Variants in KCNJ5 observed in about 807,000 individuals in gnomAD.
KCNJ5 encodes the protein potassium inwardly rectifying channel subfamily J member 5.
Under a neutral mutation model 20.2 loss-of-function variants are expected in KCNJ5, and 12 were observed. The observed-to-expected ratio is 0.59, with a 90% CI of 0.38 to 0.96. The LOEUF is 0.96. Ranked by LOEUF, KCNJ5 falls within the 40% of genes least tolerant of loss-of-function variation. The pLI, the probability that KCNJ5 is intolerant of heterozygous loss-of-function variation, is 0.00. For missense variants in KCNJ5, 449 were observed against 557.6 expected (o/e 0.81, Z 1.96); for synonymous variants, 210 against 213.9 (o/e 0.98, Z 0.16).
At chr11:128,899,115 C>T (rs74399915) in intron 1 of KCNJ5, among the ~76,000 whole-genome samples, 11,612 of 152,242 alleles carry the variant, frequency 0.076, 513 homozygotes, top group Middle Eastern at 0.14. Flanking sequence ...TGCTCAGACA[C>T]TGAGTGTGAG....
chr11:128,914,668 G>A (rs1476941974), intron 2 of KCNJ5, among the ~76,000 whole-genome samples: 1 of 152,180 alleles, frequency 6.6e-6, no homozygotes, highest in Non-Finnish European at 1.5e-5. Flanking sequence ...CAATCTCTTA[G>A]GGCTGTTGGG....
intron 1 of KCNJ5, among the ~76,000 whole-genome samples, chr11:128,910,711 C>G (rs933076581): frequency 6.6e-6 from 1 of 152,162 alleles, no homozygotes; most frequent in Admixed American, 6.5e-5. Context: ...GGGCTGTGTT[C>G]TAAGTGCTTG....
intron 2 of KCNJ5, among the ~76,000 whole-genome samples, chr11:128,915,843 ATGGG>A (rs1944569233): frequency 7.1e-6 from 1 of 139,900 alleles, no homozygotes; most frequent in Admixed American, 7.2e-5. Context: ...GGATGACTGG[ATGGG>A]TGGACGATTA....
intron 1 of KCNJ5, chr11:128,901,667 C>T (rs1944282196): frequency 6.6e-6 from 1 of 152,250 alleles, no homozygotes; most frequent in Non-Finnish European, 1.5e-5. Flanking sequence ...ATAATCCCAC[C>T]CATGTGGGGA....
rs192889782 is a variant in KCNJ5 at position 128,916,428 on chromosome 11, G to C, written c.957G>C (p.Arg319=). 1.9e-6 allele frequency: 3 copies of C among 1,614,206 alleles called. No homozygotes were observed. Among genetic ancestry groups the C allele is most frequent in the Non-Finnish European group, 2.5e-6 (3 of 1,180,024 alleles). Residue 319 remains arginine, a synonymous_variant, in exon 3 of 3, where the codon CGG becomes CGC. Coordinates refer to ENST00000529694, the MANE Select transcript of KCNJ5 (RefSeq NM_000890.5). ...VEATGMTCQA[R]SSYMDTEVLW... is the part of the protein sequence containing the mutation. ...CCCCAGGCATGACCTGCCAAGCCCG[G>C]AGCTCCTACATGGATACAGAGGTGC...
At chr11:128,898,386 G>A (rs564349207) in intron 1 of KCNJ5, among the ~76,000 whole-genome samples, 5 of 152,226 alleles carry the variant, frequency 3.3e-5, no homozygotes, top group Admixed American at 2.0e-4. Flanking sequence ...TAATTGTGTC[G>A]CCTTGGACAT....
intron 1 of KCNJ5, among the ~76,000 whole-genome samples, chr11:128,898,398 A>G (rs1411151938): frequency 2.0e-5 from 3 of 152,262 alleles, no homozygotes; most frequent in Admixed American, 2.0e-4. Context: ...CTTGGACATT[A>G]GTCTTTCAGA....
intron 1 of KCNJ5, among the ~76,000 whole-genome samples, chr11:128,892,093 G>A (rs1164991242): frequency 6.6e-6 from 1 of 152,228 alleles, no homozygotes; most frequent in East Asian, 1.9e-4. Context: ...ATGGGAGCAG[G>A]GAGGGCCAGG....
intron 1 of KCNJ5, among the ~76,000 whole-genome samples, chr11:128,893,803 C>T (rs929250047): frequency 1.3e-5 from 2 of 152,216 alleles, no homozygotes; most frequent in South Asian, 2.1e-4. Flanking sequence ...GTGGGGTTCC[C>T]CACCATGGCT....
In KCNJ5 at chr11:128,911,824, G is replaced by A; in HGVS notation, c.551G>A (p.Gly184Glu). 6.2e-7 allele frequency: 1 copy of A among 1,614,116 alleles called. No homozygotes were observed. The highest frequency in any genetic ancestry group is 1.7e-5 in the Admixed American group (1 of 60,028). Residue 184 changes from glycine to glutamate, a missense_variant, in exon 2 of 3, where the codon GGG (glycine) becomes GAG (glutamate). Physicochemically the swap from Gly to Glu is moderately conservative, Grantham distance 98 (BLOSUM62 -2). This residue lies in a region of KCNJ5 where 203 missense variants were observed against 258.0 expected (regional missense o/e 0.79). Transcript: ENST00000529694. This position sits in a 1 kb window ranked among gnomAD's most constrained non-coding sequence, Gnocchi z 6.3. ...LGSIVNAFMV[G>E]CMFVKISQPK... is the part of the protein sequence containing the mutation. ...TCCATCGTCAATGCCTTCATGGTGG[G>A]GTGCATGTTTGTCAAGATCAGCCAG...
At chr11:128,899,635 A>G (rs1442530965) in intron 1 of KCNJ5, 2 of 152,260 alleles carry the variant, frequency 1.3e-5, no homozygotes, top group African/African-American at 4.8e-5. Context: ...CTGTGGGGTT[A>G]CAATGAAGAA....
chr11:128,911,315 G>A lies in KCNJ5; in HGVS notation c.42G>A (p.Glu14=). The A allele has an allele frequency of 6.2e-7, 1 of 1,614,180 alleles. No homozygotes were observed. Among genetic ancestry groups the A allele is most frequent in the Non-Finnish European group, 8.5e-7 (1 of 1,180,040 alleles). The change falls in exon 2 of 3, where the codon GAG becomes GAA. Residue 14 remains glutamate, a synonymous_variant. Transcript: ENST00000529694. This position sits in a 1 kb window ranked among gnomAD's most constrained non-coding sequence, Gnocchi z 6.3. The stretch of plus-strand genomic sequence containing the variant: ...GGAATGCCATGAACCAGGACATGGA[G>A]ATTGGAGTCACTCCCTGGGACCCCA... ...DSRNAMNQDM[E]IGVTPWDPKK...
chr11:128,904,252 C>T (rs758936094), intron 1 of KCNJ5, among the ~76,000 whole-genome samples: 4 of 152,170 alleles, frequency 2.6e-5, no homozygotes, highest in Non-Finnish European at 4.4e-5. Flanking sequence ...CACTGGACGC[C>T]TTCCTCACCA....
intron 2 of KCNJ5, among the ~76,000 whole-genome samples, chr11:128,913,431 T>A (rs552690823): frequency 1.3e-5 from 2 of 152,296 alleles, no homozygotes; most frequent in South Asian, 4.1e-4. Flanking sequence ...CACTCAGCCA[T>A]GGCAGACCTC....
intron 1 of KCNJ5, among the ~76,000 whole-genome samples, chr11:128,893,098 G>C (rs1944120194): frequency 6.6e-6 from 1 of 152,214 alleles, no homozygotes; most frequent in Non-Finnish European, 1.5e-5. Context: ...CAGGCTTCCT[G>C]GAATCTGAGG....
intron 2 of KCNJ5, among the ~76,000 whole-genome samples, chr11:128,915,074 T>G (rs1366006447): frequency 6.6e-6 from 1 of 152,266 alleles, no homozygotes; most frequent in Non-Finnish European, 1.5e-5. Context: ...CTGCTTTGTA[T>G]GAGCCCCTCC....
chr11:128,906,861 T>TA (rs1944425103), intron 1 of KCNJ5, among the ~76,000 whole-genome samples: 2 of 152,120 alleles, frequency 1.3e-5, no homozygotes, highest in Non-Finnish European at 2.9e-5. Context: ...TTTCCTGGGG[T>TA]TCCTCAGGGG....
At chr11:128,895,711 C>G (rs1288727051) in intron 1 of KCNJ5, among the ~76,000 whole-genome samples, 2 of 152,282 alleles carry the variant, frequency 1.3e-5, no homozygotes, top group East Asian at 1.9e-4. Context: ...TCTGAGCTCT[C>G]AGACCACTGC....
chr11:128,915,853 G>A (rs1168533030), intron 2 of KCNJ5, among the ~76,000 whole-genome samples: 2 of 115,202 alleles, frequency 1.7e-5, no homozygotes, highest in Non-Finnish European at 1.8e-5. Context: ...ATGGGTGGAC[G>A]ATTAGGTAGA....
Sources: allele counts gnomAD v4.1 joint callset (sites outside exome capture counted in the v4.1 genomes callset), GRCh38; gene constraint gnomAD v4.1.1; regional missense constraint gnomAD v4.1.1; non-coding constraint Gnocchi (gnomAD v3.1); transcripts MANE v1.5; gene names NCBI Gene and HGNC (gene_info 2026-07-23, HGNC 2026-07-21).